The following ESRRB variants were observed in gnomAD, a reference collection of about 807,000 sequenced individuals.
ESRRB encodes estrogen related receptor beta.
ESRRB carries 16 observed loss-of-function variants against 46.0 expected under a neutral mutation model. The observed-to-expected ratio is 0.35, with a 90% CI of 0.24 to 0.53. The LOEUF is 0.53. Ranked by LOEUF, ESRRB falls within the 20% of genes least tolerant of loss-of-function variation. The pLI is 0.93. For missense variants in ESRRB, 488 were observed against 607.4 expected (o/e 0.80, Z 2.07); for synonymous variants, 246 against 259.6 (o/e 0.95, Z 0.50).
At chr14:76,387,205 G>A (rs991542630) in intron 1 of ESRRB, among the ~76,000 whole-genome samples, 7 of 152,164 alleles carry the variant, frequency 4.6e-5, no homozygotes, top group African/African-American at 1.4e-4. Context: ...ACCGGGTCTC[G>A]CCAACAGGGT....
At chr14:76,462,434 G>C (rs558471041) in intron 2 of ESRRB, 111 bp from the exon 3 acceptor site, 70 of 768,534 alleles carry the variant, frequency 9.1e-5, no homozygotes, top group East Asian at 3.8e-4. Flanking sequence ...AGAACACTAG[G>C]GGGGAGTGGC....
chr14:76,340,507 T>C (rs1193699393), intron 1 of ESRRB, among the ~76,000 whole-genome samples: 1 of 152,204 alleles, frequency 6.6e-6, no homozygotes, highest in African/African-American at 2.4e-5. Context: ...CTCTCTGGGC[T>C]CGGTTGACTT....
chr14:76,332,934 T>C (rs1233854471), intron 1 of ESRRB, among the ~76,000 whole-genome samples: 1 of 24,542 alleles, frequency 4.1e-5, no homozygotes, highest in Non-Finnish European at 6.8e-5. Context: ...TTATATATTA[T>C]ATACTTATAT....
chr14:76,358,296 A>G (rs1884408280), intron 1 of ESRRB, among the ~76,000 whole-genome samples: 1 of 142,982 alleles, frequency 7.0e-6, no homozygotes, highest in Non-Finnish European at 1.5e-5. Context: ...TGGGATACGG[A>G]GCAAGACTCT....
intron 2 of ESRRB, among the ~76,000 whole-genome samples, chr14:76,457,599 C>T (rs1322754790): frequency 6.6e-6 from 1 of 151,822 alleles, no homozygotes; most frequent in African/African-American, 2.4e-5. Flanking sequence ...GCAGAGCAGC[C>T]GTGGTGGCCT....
chr14:76,491,062 C>T (rs1234480783), intron 5 of ESRRB, among the ~76,000 whole-genome samples: 6 of 152,276 alleles, frequency 3.9e-5, no homozygotes, highest in Non-Finnish European at 7.4e-5. Context: ...CCAGAGTGGC[C>T]GAGAGCACGT....
At chr14:76,433,962 ATTT>A (rs35905714) in intron 1 of ESRRB, among the ~76,000 whole-genome samples, 2,090 of 132,970 alleles carry the variant, frequency 0.016, 45 homozygotes, top group African/African-American at 0.055. Context: ...CTGCCTTTAC[ATTT>A]TTTTTTTTTT....
intron 2 of ESRRB, among the ~76,000 whole-genome samples, chr14:76,443,700 T>G (rs2139943702): frequency 6.6e-6 from 1 of 152,306 alleles, no homozygotes; most frequent in South Asian, 2.1e-4. Context: ...ATCACATTTT[T>G]TGAAAGCAGA....
At chr14:76,364,576 C>T (rs1271609468) in intron 1 of ESRRB, among the ~76,000 whole-genome samples, 1 of 151,888 alleles carries the variant, frequency 6.6e-6, no homozygotes, top group Non-Finnish European at 1.5e-5. Context: ...CCTGTAATCC[C>T]AGTTACTTGG....
chr14:76,401,361 G>A (rs1885935853), intron 1 of ESRRB, among the ~76,000 whole-genome samples: 1 of 152,210 alleles, frequency 6.6e-6, no homozygotes, highest in Non-Finnish European at 1.5e-5. Flanking sequence ...GCAGTGGGTG[G>A]GGAGTGGAGG....
chr14:76,439,899 C>A, intron 2 of ESRRB, 149 bp downstream of exon 2: 1 of 835,406 alleles, frequency 1.2e-6, no homozygotes, highest in Non-Finnish European at 1.8e-6. Context: ...TTCCCTTGCT[C>A]AGGGCTTCTC....
At chr14:76,475,633 G>A (rs775073926) in intron 3 of ESRRB, among the ~76,000 whole-genome samples, 38 of 152,178 alleles carry the variant, frequency 2.5e-4, no homozygotes, top group Non-Finnish European at 4.3e-4. Context: ...TCCTACAGGC[G>A]TCTGTTCAAA....
intron 1 of ESRRB, among the ~76,000 whole-genome samples, chr14:76,352,215 A>G (rs1194957542): frequency 6.6e-6 from 1 of 152,174 alleles, no homozygotes; most frequent in African/African-American, 2.4e-5. Flanking sequence ...AATGAGAATC[A>G]GAACAAGTAC....
At chr14:76,468,977 T>C (rs1315789118) in intron 3 of ESRRB, among the ~76,000 whole-genome samples, 3 of 152,190 alleles carry the variant, frequency 2.0e-5, no homozygotes, top group Non-Finnish European at 4.4e-5. Flanking sequence ...TTTGTGCACC[T>C]GTTTTCTGCC....
At chr14:76,449,530 A>G (rs891921405) in intron 2 of ESRRB, among the ~76,000 whole-genome samples, 1 of 151,842 alleles carries the variant, frequency 6.6e-6, no homozygotes, top group African/African-American at 2.4e-5. Flanking sequence ...AGCCTGGGTG[A>G]CGGAGCAAGA....
At position 76,499,619 on chromosome 14, in the gene ESRRB, T is replaced by A. The variant is rs4293299; in HGVS notation, c.*1161T>A. ...GGGTGCCCTCCTACCACACTTGGGC[T>A]ACCAGAGGTTTGGTGTAGCTCCCCT... On this transcript the variant is annotated 3_prime_UTR_variant, in exon 7 of 7. Coordinates refer to ENST00000644823, the MANE Select transcript of ESRRB (RefSeq NM_001379180.1). 8.7e-6 allele frequency: 5 copies of A among 572,354 alleles called. No individual in the cohort carries two copies. Among genetic ancestry groups the A allele is most frequent in the Non-Finnish European group, 1.3e-5 (4 of 317,040 alleles). 35.5% of individuals were successfully genotyped at this position (572,354 alleles called of 1,614,324 possible). A position where few individuals can be genotyped will look rare whatever the true frequency, so the allele number is the denominator to read the frequency against.
At chr14:76,430,875 G>A (rs1887409719) in intron 1 of ESRRB, among the ~76,000 whole-genome samples, 1 of 152,182 alleles carries the variant, frequency 6.6e-6, no homozygotes, top group Non-Finnish European at 1.5e-5. Context: ...TGGGTGTGGT[G>A]GGTAGATTCT....
intron 2 of ESRRB, among the ~76,000 whole-genome samples, chr14:76,459,286 G>A (rs1405117071): frequency 3.9e-5 from 6 of 152,096 alleles, no homozygotes; most frequent in Admixed American, 2.0e-4. Flanking sequence ...CGCATTGAGC[G>A]GCTGGGTGTC....
intron 1 of ESRRB, among the ~76,000 whole-genome samples, chr14:76,383,070 G>A (rs548376133): frequency 1.4e-4 from 22 of 152,196 alleles, no homozygotes; most frequent in South Asian, 6.2e-4. Context: ...ATTTAAAATC[G>A]TATCAGAGAC....
Sources: allele counts gnomAD v4.1 joint callset (sites outside exome capture counted in the v4.1 genomes callset), GRCh38; gene constraint gnomAD v4.1.1; transcripts MANE v1.5; gene names NCBI Gene and HGNC (gene_info 2026-07-23, HGNC 2026-07-21).